FAM86B2: variants seen among roughly 807,000 people sequenced by gnomAD.
The protein encoded by FAM86B2 is putative protein N-methyltransferase FAM86B2.
In FAM86B2, 1 loss-of-function variant was observed where a neutral mutation model predicts 26.5. The ratio of observed to expected loss-of-function variants is 0.04; its 90% confidence interval spans 0.01 to 0.18. FAM86B2 has a LOEUF of 0.18. Ranked by LOEUF, FAM86B2 falls within the 10% of genes least tolerant of loss-of-function variation. FAM86B2 has a pLI of 1.00. For synonymous variants in FAM86B2, 11 were observed against 127.8 expected (o/e 0.09, Z 6.17); for missense variants, 43 against 303.5 (o/e 0.14, Z 6.38).
At position 12,425,022 on chromosome 8, in the gene FAM86B2, A is replaced by ATTT. The variant is rs1585359683; in HGVS notation, c.*866_*867insAAA. 1 of 999,658 alleles carries ATTT rather than the reference A, an allele frequency of 1.0e-6. No individual in the cohort carries two copies. The highest frequency in any genetic ancestry group is 3.2e-5 in the East Asian group (1 of 30,898). 61.9% of individuals were successfully genotyped at this position (999,658 alleles called of 1,614,324 possible). A position where few individuals can be genotyped will look rare whatever the true frequency, so the allele number is the denominator to read the frequency against. ...ACATAACTCCTGGGCCAGAGGCTAA[A>ATTT]ACCCCAGGGCCCCTGCTGTCCTTCC... On this transcript the variant is annotated 3_prime_UTR_variant, in exon 8 of 8. Transcript: ENST00000262365.
chr8:12,426,467 CCTTTTT>C (rs1812650064), intron 7 of FAM86B2, among the ~76,000 whole-genome samples: 1 of 18,296 alleles, frequency 5.5e-5, no homozygotes, highest in African/African-American at 1.7e-4. Context: ...AGAAAGACTT[CCTTTTT>C]TTTTTTTTTT....
intron 6 of FAM86B2, among the ~76,000 whole-genome samples, chr8:12,428,374 G>A (rs1349055908): frequency 3.9e-5 from 6 of 151,920 alleles, no homozygotes; most frequent in Non-Finnish European, 5.9e-5. Context: ...AAGGACACAG[G>A]GCATGGCTCT....
At chr8:12,434,956 T>C (rs1262464237) in intron 1 of FAM86B2, among the ~76,000 whole-genome samples, 1 of 151,716 alleles carries the variant, frequency 6.6e-6, no homozygotes, top group Non-Finnish European at 1.5e-5. Flanking sequence ...TTTATTCATT[T>C]ATTCTCTGGC....
chr8:12,432,805 TG>T (rs1284629433), intron 2 of FAM86B2, among the ~76,000 whole-genome samples: 2 of 150,498 alleles, frequency 1.3e-5, no homozygotes, highest in Non-Finnish European at 2.9e-5. Context: ...ATGCAGATTC[TG>T]CCCAAGGGCA....
chr8:12,435,321 C>G (rs1225759476), intron 1 of FAM86B2, among the ~76,000 whole-genome samples: 1 of 114,798 alleles, frequency 8.7e-6, no homozygotes, highest in Non-Finnish European at 1.8e-5. Context: ...AACAATCCCT[C>G]TGGTCAAATG....
At chr8:12,426,452 T>C in intron 7 of FAM86B2, among the ~76,000 whole-genome samples, 1 of 121,530 alleles carries the variant, frequency 8.2e-6, no homozygotes, top group South Asian at 2.9e-4. Context: ...CACGTAAGTA[T>C]CTGAAGAAAG....
At position 12,428,882 on chromosome 8, in the gene FAM86B2, C is replaced by G; in HGVS notation, c.493G>C (p.Gly165Arg). The change falls in exon 6 of 8, where the codon GGC becomes CGC. Residue 165 changes from glycine (G) to arginine (R), a missense_variant. Gly to Arg is a moderately radical substitution (Grantham distance 125). Transcript: ENST00000262365. ...AGGCCTGTGAGGCCGGCACCACTGC[C>G]AAGCTCTAGGACAGTCCTGGCGGGA... ...AFINRTVLEL[G>R]SGAGLTGLAI... The G allele has an allele frequency of 1.0e-6, 1 of 956,358 alleles. No individual in the cohort carries two copies. The highest frequency in any genetic ancestry group is 1.4e-6 in the Non-Finnish European group (1 of 694,046). 59.2% of individuals were successfully genotyped at this position (956,358 alleles called of 1,614,324 possible).
chr8:12,435,856 G>C (rs542737293), intron 1 of FAM86B2, among the ~76,000 whole-genome samples: 2 of 140,350 alleles, frequency 1.4e-5, no homozygotes, highest in African/African-American at 5.2e-5. Context: ...CTGTGACCTG[G>C]TCACCACGCT....
chr8:12,435,345 T>C (rs1350232966), intron 1 of FAM86B2, among the ~76,000 whole-genome samples: 2 of 107,354 alleles, frequency 1.9e-5, no homozygotes, highest in East Asian at 4.8e-4. Flanking sequence ...GTGATAATAA[T>C]AGTACCCACC....
intron 1 of FAM86B2, among the ~76,000 whole-genome samples, chr8:12,434,895 C>T (rs112372149): frequency 1.2e-4 from 18 of 150,208 alleles, no homozygotes; most frequent in African/African-American, 4.3e-4. Flanking sequence ...CTCCATTCAC[C>T]ATTTCCCTGT....
At position 12,424,703 on chromosome 8, in the gene FAM86B2, T is replaced by G. The variant is rs1311692684; in HGVS notation, c.*1186A>C. On this transcript the variant is annotated 3_prime_UTR_variant, in exon 8 of 8. Coordinates refer to ENST00000262365, the MANE Select transcript of FAM86B2 (RefSeq NM_001137610.3). ...AGTTTCCAGAAAGCATGATGTCAAG[T>G]TGGAGGTGGAGCGCTGCTGGGTTGT... Among the ~76,000 whole-genome samples the G allele has an allele frequency of 7.7e-6, 1 of 129,814 alleles. No homozygotes were observed. The highest frequency in any genetic ancestry group is 2.6e-5 in the African/African-American group (1 of 38,300). The allele number at this position is 129,814 out of a possible 152,430, so 85.2% of individuals were successfully genotyped here. A position where few individuals can be genotyped will look rare whatever the true frequency, so the allele number is the denominator to read the frequency against.
chr8:12,427,733 G>C lies in FAM86B2; in HGVS notation c.816C>G (p.His272Gln). 2.8e-6 allele frequency: 3 copies of C among 1,090,132 alleles called. 1 individual carries two copies. The highest frequency in any genetic ancestry group is 3.8e-6 in the Non-Finnish European group (3 of 796,738). The allele number at this position is 1,090,132 out of a possible 1,614,324, so 67.5% of individuals were successfully genotyped here. ...VLQRLAACRE[H>Q]KRAPEVYVAF... Reference sequence around the variant, plus strand: ...CCACGTAGACCTCAGGAGCCCGCTTGTGCTCCCGGCAGGCAGCCAGCCTCT... The same window carrying C: ...CCACGTAGACCTCAGGAGCCCGCTTCTGCTCCCGGCAGGCAGCCAGCCTCT... The change falls in exon 7 of 8, where the codon CAC becomes CAG. Residue 272 changes from histidine (H) to glutamine (Q), a missense_variant. By Grantham distance (24) the His-to-Gln change is conservative (BLOSUM62 0). Coordinates refer to ENST00000262365, the MANE Select transcript of FAM86B2 (RefSeq NM_001137610.3).
At chr8:12,433,675 T>A (rs1224169849) in intron 2 of FAM86B2, among the ~76,000 whole-genome samples, 2 of 143,706 alleles carry the variant, frequency 1.4e-5, no homozygotes, top group African/African-American at 5.2e-5. Context: ...CATTTAGGTC[T>A]AGAAGAGACA....
At chr8:12,426,290 C>T (rs1303454907) in intron 7 of FAM86B2, among the ~76,000 whole-genome samples, 3 of 145,434 alleles carry the variant, frequency 2.1e-5, no homozygotes, top group African/African-American at 7.7e-5. Flanking sequence ...ATCTCCCTGG[C>T]TGCTCAGTCA....
intron 1 of FAM86B2, among the ~76,000 whole-genome samples, chr8:12,434,752 G>A (rs1798515735): frequency 6.9e-6 from 1 of 145,602 alleles, no homozygotes; most frequent in Admixed American, 6.8e-5. Context: ...TCCACAACAG[G>A]GCCTTTGCAT....
chr8:12,435,598 A>G (rs907519303), intron 1 of FAM86B2, among the ~76,000 whole-genome samples: 1 of 137,794 alleles, frequency 7.3e-6, no homozygotes, highest in Non-Finnish European at 1.6e-5. Flanking sequence ...TATATATCCC[A>G]ACTGACTCAT....
intron 2 of FAM86B2, among the ~76,000 whole-genome samples, chr8:12,433,167 TG>T (rs1290697893): frequency 1.3e-4 from 15 of 112,716 alleles, no homozygotes; most frequent in Non-Finnish European, 2.4e-4. Flanking sequence ...AGCCTTGTGC[TG>T]GGTTTTAAAG....
intron 4 of FAM86B2, among the ~76,000 whole-genome samples, chr8:12,429,466 T>C: frequency 1.2e-5 from 1 of 81,802 alleles, no homozygotes; most frequent in African/African-American, 4.4e-5. Flanking sequence ...TTTGTGGTTT[T>C]CTGTATCTAT....
Position 12,424,872 on chromosome 8 carries a change from T to G in FAM86B2, c.*1017A>C. ...GCTCTGCTCTTTAGCATTTTGCAGA[T>G]GCTTTTCTCAAACTTTTCTGATCCT... On this transcript the variant is annotated 3_prime_UTR_variant, in exon 8 of 8. Coordinates refer to ENST00000262365, the MANE Select transcript of FAM86B2 (RefSeq NM_001137610.3). The G allele has an allele frequency of 6.6e-7, 1 of 1,519,740 alleles. No homozygotes were observed. Among genetic ancestry groups the G allele is most frequent in the South Asian group, 1.1e-5 (1 of 87,674 alleles). 94.1% of individuals were successfully genotyped at this position (1,519,740 alleles called of 1,614,324 possible). A position where few individuals can be genotyped will look rare whatever the true frequency, so the allele number is the denominator to read the frequency against.
Sources: allele counts gnomAD v4.1 joint callset (sites outside exome capture counted in the v4.1 genomes callset), GRCh38; gene constraint gnomAD v4.1.1; transcripts MANE v1.5; gene names NCBI Gene and HGNC (gene_info 2026-07-23, HGNC 2026-07-21).